The following CECR2 variants were observed in gnomAD, a reference collection of about 807,000 sequenced individuals.
CECR2 encodes the protein CECR2 histone acetyl-lysine reader, also known as chromatin remodeling regulator CECR2.
Under a neutral mutation model 154.5 loss-of-function variants are expected in CECR2, and 30 were observed. The ratio of observed to expected loss-of-function variants is 0.19; its 90% CI spans 0.15 to 0.26. The LOEUF (loss-of-function observed/expected upper bound fraction) is 0.26. Among genes scored for constraint, CECR2 ranks in the 10% least tolerant of loss-of-function variants. The pLI, the probability that CECR2 is intolerant of heterozygous loss-of-function variation, is 1.00. For synonymous variants in CECR2, 725 were observed against 683.7 expected (o/e 1.06, Z -0.94); for missense variants, 1,743 against 1,829.3 (o/e 0.95, Z 0.86).
chr22:17,533,449 A>G (rs2056390046), intron 9 of CECR2, among the ~76,000 whole-genome samples: 1 of 151,536 alleles, frequency 6.6e-6, no homozygotes, highest in Non-Finnish European at 1.5e-5. Context: ...AGCTAACATG[A>G]TGAAACCCCG....
chr22:17,418,287 C>T (rs956830498), intron 1 of CECR2, among the ~76,000 whole-genome samples: 3 of 152,160 alleles, frequency 2.0e-5, no homozygotes, highest in Non-Finnish European at 4.4e-5. Context: ...TTGTCCTTCC[C>T]AGGCTAATGT....
upstream of CECR2, among the ~76,000 whole-genome samples, chr22:17,366,625 A>G (rs2063003463): frequency 6.6e-6 from 1 of 152,192 alleles, no homozygotes; most frequent in Non-Finnish European, 1.5e-5. Flanking sequence ...GTAGGGGGTC[A>G]TTAATCTAGA....
chr22:17,505,117 GAAAT>G (rs1465859667), intron 7 of CECR2, 101 bp downstream of exon 7: 2 of 1,158,506 alleles, frequency 1.7e-6, no homozygotes, highest in Admixed American at 4.8e-5. Flanking sequence ...CACTGTCCTG[GAAAT>G]AGTGCAGTCT....
chr22:17,539,971 A>G (rs899928842), intron 13 of CECR2, among the ~76,000 whole-genome samples: 1 of 152,154 alleles, frequency 6.6e-6, no homozygotes, highest in Non-Finnish European at 1.5e-5. Context: ...AGCTGGGACT[A>G]TCGGCATGTG....
intron 1 of CECR2, among the ~76,000 whole-genome samples, chr22:17,363,746 C>T (rs1185769692): frequency 6.6e-6 from 1 of 152,158 alleles, no homozygotes; most frequent in Admixed American, 6.5e-5. Flanking sequence ...AGCAATCCTC[C>T]CACCTCAGCA....
intron 2 of CECR2, among the ~76,000 whole-genome samples, chr22:17,486,743 G>A (rs1024572763): frequency 2.0e-5 from 3 of 152,212 alleles, no homozygotes; most frequent in Admixed American, 1.3e-4. Flanking sequence ...GAAAACTTAC[G>A]AAGAAGATCA....
intron 8 of CECR2, among the ~76,000 whole-genome samples, chr22:17,519,532 A>G (rs2056120394): frequency 1.3e-5 from 2 of 152,148 alleles, no homozygotes; most frequent in African/African-American, 4.8e-5. Context: ...TGCTGGGATT[A>G]CAGGCATGGG....
In CECR2 at chr22:17,548,457, T is replaced by A. The variant is rs1474935914; in HGVS notation, c.3170T>A (p.Val1057Asp). The change falls in exon 17 of 19, where the codon GTC becomes GAC. Residue 1057 changes from valine to aspartate, a missense_variant. Coordinates refer to ENST00000262608, the MANE Select transcript of CECR2 (RefSeq NM_001290047.2). Reference protein sequence around the residue: ...ADRGALSENGVIGEASPCGSE... With the variant: ...ADRGALSENGDIGEASPCGSE... ...AGGGGCGCTCTATCCGAGAACGGAG[T>A]CATTGGGGAAGCATCTCCTTGTGGA... The A allele has an allele frequency of 3.7e-6, 6 of 1,613,020 alleles. No homozygotes were observed. The African/African-American group carries it at 8.0e-5, about 22-fold the overall frequency.
At chr22:17,538,951 C>T (rs768057622) in intron 12 of CECR2, 42 bp from the exon 13 acceptor site, 48 of 1,597,814 alleles carry the variant, frequency 3.0e-5, no homozygotes, top group Non-Finnish European at 3.9e-5. Flanking sequence ...AATGTTTGCT[C>T]TCAGCATATT....
At chr22:17,445,821 G>C (rs912613217) in intron 1 of CECR2, among the ~76,000 whole-genome samples, 6 of 152,020 alleles carry the variant, frequency 3.9e-5, no homozygotes, top group Non-Finnish European at 7.4e-5. Context: ...TCGAACTCCT[G>C]ACCTCAAGTG....
At chr22:17,530,462 A>C (rs2056337092) in intron 9 of CECR2, among the ~76,000 whole-genome samples, 1 of 152,080 alleles carries the variant, frequency 6.6e-6, no homozygotes. Context: ...TCACGAGGTC[A>C]GGAGATTGAC....
intron 1 of CECR2, among the ~76,000 whole-genome samples, chr22:17,434,924 A>C (rs1271366433): frequency 2.6e-5 from 4 of 152,158 alleles, no homozygotes; most frequent in Non-Finnish European, 5.9e-5. Flanking sequence ...GAAGGAACAC[A>C]CATGGGGTAT....
intron 2 of CECR2, among the ~76,000 whole-genome samples, chr22:17,483,818 C>G (rs572011603): frequency 6.6e-6 from 1 of 152,280 alleles, no homozygotes; most frequent in Admixed American, 6.5e-5. Flanking sequence ...CCTTCACATT[C>G]ATTTACTACT....
rs2146927069 is a variant in CECR2 at position 17,511,908 on chromosome 22, T to C, written c.954+12T>C. ...CCGTCAAGCAAGAGGTGAGTGTGGGTGAGAGTAGCGAGGAGGAGCTTTCCT... is the reference window on the plus strand; with the variant it reads ...CCGTCAAGCAAGAGGTGAGTGTGGGCGAGAGTAGCGAGGAGGAGCTTTCCT... On this transcript the variant is annotated intron_variant, in intron 8 of 18. Transcript: ENST00000262608. 6.2e-7 allele frequency: 1 copy of C among 1,600,928 alleles called. No individual in the cohort carries two copies.
Position 17,553,504 on chromosome 22 carries a change from A to C in CECR2, c.*664A>C, listed in dbSNP as rs1277386019. 1 of 152,232 alleles carries C rather than the reference A, an allele frequency of 6.6e-6. No homozygotes were observed. Among genetic ancestry groups the C allele is most frequent in the African/African-American group, 2.4e-5 (1 of 41,428 alleles). The allele number at this position is 152,232 out of a possible 1,614,324, so 9.4% of individuals were successfully genotyped here. On this transcript the variant is annotated 3_prime_UTR_variant, in exon 19 of 19. Transcript: ENST00000262608. ...GAAAGGTTTGATCTTGTAATATGTC[A>C]CTGTGTTTCCTTAGTGGCCAGCCAG...
chr22:17,374,647 G>C (rs542304750), intron 1 of CECR2, among the ~76,000 whole-genome samples: 1 of 152,326 alleles, frequency 6.6e-6, no homozygotes, highest in South Asian at 2.1e-4. Flanking sequence ...TGCCGCACTA[G>C]GAGTTAGGAA....
chr22:17,509,564 G>GT (rs1367910620), intron 7 of CECR2, among the ~76,000 whole-genome samples: 3 of 151,920 alleles, frequency 2.0e-5, no homozygotes, highest in African/African-American at 7.3e-5. Context: ...TGAGTACCTG[G>GT]ACTATAGGCA....
chr22:17,477,805 A>G (rs922548945), intron 2 of CECR2, 123 bp downstream of exon 2: 5 of 697,120 alleles, frequency 7.2e-6, no homozygotes, highest in African/African-American at 1.7e-5. Flanking sequence ...GACACTGTAG[A>G]TGGAGGACGT....
chr22:17,400,974 T>G (rs577471116), intron 1 of CECR2, among the ~76,000 whole-genome samples: 1 of 152,268 alleles, frequency 6.6e-6, no homozygotes, highest in South Asian at 2.1e-4. Flanking sequence ...ACTATGTTGC[T>G]CAGACTGGTC....
Sources: gnomAD v4.1 joint callset for allele counts (sites outside exome capture counted in the v4.1 genomes callset) on GRCh38, gnomAD v4.1.1 for gene constraint, MANE v1.5 for transcripts, NCBI Gene and HGNC (gene_info 2026-07-23, HGNC 2026-07-21) for gene names.